The following SAMD12 variants were observed in gnomAD, a reference collection of about 807,000 sequenced individuals.
SAMD12 encodes sterile alpha motif domain-containing protein 12.
SAMD12 carries 9 observed loss-of-function variants against 15.0 expected under a neutral mutation model. The ratio of observed to expected loss-of-function variants is 0.60; its 90% CI spans 0.36 to 1.05. The LOEUF (loss-of-function observed/expected upper bound fraction) is 1.05. Ranked by LOEUF, SAMD12 falls within the 50% of genes least tolerant of loss-of-function variation. SAMD12 has a pLI of 0.01. For missense variants in SAMD12, 230 were observed against 234.2 expected (o/e 0.98, Z 0.12); for synonymous variants, 86 against 90.1 (o/e 0.96, Z 0.25).
chr8:118,417,934 T>C (rs1221443320), intron 3 of SAMD12, among the ~76,000 whole-genome samples: 1 of 152,232 alleles, frequency 6.6e-6, no homozygotes. Context: ...CTCCATTGTT[T>C]TGGACATGAG....
intron 4 of SAMD12, among the ~76,000 whole-genome samples, chr8:118,318,318 A>G (rs1390635149): frequency 0.11 from 1,235 of 11,670 alleles, 18 homozygotes; most frequent in South Asian, 0.24. Flanking sequence ...GTGTATATAT[A>G]TATATATATA....
chr8:118,569,706 G>A (rs1826953605), intron 2 of SAMD12, among the ~76,000 whole-genome samples: 1 of 152,146 alleles, frequency 6.6e-6, no homozygotes, highest in African/African-American at 2.4e-5. Flanking sequence ...CAGTGAAAAG[G>A]TGGTCTCTGC....
chr8:118,200,042 T>A (rs925880980), intron 4 of SAMD12, among the ~76,000 whole-genome samples: 2 of 152,152 alleles, frequency 1.3e-5, no homozygotes, highest in Admixed American at 1.3e-4. Context: ...ATAAGTCTCA[T>A]GAGATCTGAT....
intron 2 of SAMD12, among the ~76,000 whole-genome samples, chr8:118,538,839 C>T (rs1332327817): frequency 6.6e-6 from 1 of 152,226 alleles, no homozygotes; most frequent in Non-Finnish European, 1.5e-5. Context: ...CCATCCTGCT[C>T]TGCCTCCCCT....
At chr8:118,416,635 T>C (rs943360127) in intron 3 of SAMD12, among the ~76,000 whole-genome samples, 1 of 152,196 alleles carries the variant, frequency 6.6e-6, no homozygotes, top group African/African-American at 2.4e-5. Context: ...TTGGGCTTGA[T>C]TAGCCTGACC....
the SAMD12 span, among the ~76,000 whole-genome samples, chr8:118,140,648 G>A: frequency 3.3e-5 from 5 of 152,150 alleles, no homozygotes; most frequent in African/African-American, 1.2e-4. Flanking sequence ...TATTGAGGTG[G>A]AGGGCATCGT....
At chr8:118,439,579 T>TC (rs1822671022) in intron 3 of SAMD12, among the ~76,000 whole-genome samples, 1 of 151,914 alleles carries the variant, frequency 6.6e-6, no homozygotes, top group Non-Finnish European at 1.5e-5. Flanking sequence ...TTCTCTAGGA[T>TC]CCCCCAACCC....
chr8:118,185,806 C>T (rs1819233791), downstream of SAMD12, among the ~76,000 whole-genome samples: 1 of 152,148 alleles, frequency 6.6e-6, no homozygotes, highest in African/African-American at 2.4e-5. Flanking sequence ...CATGTAGTAG[C>T]TGTTTTGTAA....
At chr8:118,621,649 G>A (rs1828409881) in intron 1 of SAMD12, 155 bp downstream of exon 1, 1 of 783,386 alleles carries the variant, frequency 1.3e-6, no homozygotes, top group East Asian at 2.5e-5. Context: ...TGGCCTTGGC[G>A]GCGCAGGTGA....
At chr8:118,248,707 G>A (rs1211319377) in intron 4 of SAMD12, among the ~76,000 whole-genome samples, 2 of 151,874 alleles carry the variant, frequency 1.3e-5, no homozygotes, top group Non-Finnish European at 2.9e-5. Flanking sequence ...ATTAAAATGC[G>A]ATCAGCACTA....
At chr8:118,406,761 A>G (rs1325406995) in intron 3 of SAMD12, among the ~76,000 whole-genome samples, 2 of 152,128 alleles carry the variant, frequency 1.3e-5, no homozygotes, top group Non-Finnish European at 1.5e-5. Flanking sequence ...GGTACCTCAT[A>G]TAAGTGAAAT....
intron 4 of SAMD12, among the ~76,000 whole-genome samples, chr8:118,276,180 A>C (rs376541079): frequency 3.9e-5 from 6 of 152,170 alleles, no homozygotes; most frequent in Non-Finnish European, 1.5e-5. Context: ...TCTTCCTTGC[A>C]TTGTTCTAGA....
At chr8:118,543,631 C>CTTTTTTTTTTTTTTTTTTTTTTT (rs397978436) in intron 2 of SAMD12, among the ~76,000 whole-genome samples, 1 of 116,634 alleles carries the variant, frequency 8.6e-6, no homozygotes, top group African/African-American at 3.6e-5. Flanking sequence ...TTCTTTCTTT[C>CTTTTTTTTTTTTTTTTTTTTTTT]TTTTTTTTTT....
At chr8:118,162,159 CAAAA>C in the SAMD12 span, among the ~76,000 whole-genome samples, 10 of 140,204 alleles carry the variant, frequency 7.1e-5, no homozygotes, top group Admixed American at 2.2e-4. Flanking sequence ...GACTCTGTCT[CAAAA>C]AAAAAAAAAG....
chr8:118,562,420 G>C (rs760119144), intron 2 of SAMD12, among the ~76,000 whole-genome samples: 2 of 151,990 alleles, frequency 1.3e-5, no homozygotes, highest in Non-Finnish European at 2.9e-5. Context: ...AAAAGTAAAA[G>C]AGGTTATTAA....
the SAMD12 span, among the ~76,000 whole-genome samples, chr8:118,183,086 T>A: frequency 5.9e-5 from 9 of 152,230 alleles, no homozygotes; most frequent in Admixed American, 2.0e-4. Context: ...ACCTACATCC[T>A]TTCCTGGGCA....
At chr8:118,202,171 ATAAC>A (rs1401483983) in intron 4 of SAMD12, among the ~76,000 whole-genome samples, 4 of 152,130 alleles carry the variant, frequency 2.6e-5, no homozygotes, top group African/African-American at 9.7e-5. Context: ...TGTTTAGTAA[ATAAC>A]TAAGTGATAG....
At chr8:118,384,233 A>G (rs1819827917) in intron 3 of SAMD12, among the ~76,000 whole-genome samples, 1 of 152,230 alleles carries the variant, frequency 6.6e-6, no homozygotes, top group South Asian at 2.1e-4. Flanking sequence ...AGACAGGGTC[A>G]GATCACACAG....
chr8:118,272,544 G>A lies in SAMD12; in HGVS notation c.434-74812C>T, dbSNP rs145715364. 4.4e-3 allele frequency among the ~76,000 whole-genome samples: 664 copies of A among 152,326 alleles called. 1 individual carries two copies. Among genetic ancestry groups the A allele is most frequent in the African/African-American group, 0.015 (627 of 41,574 alleles). ...TGCAGCTGGCTTGAATTTATCCCCA[G>A]AAAATGGGGTTTTCTTTTCTGTTGC... On this transcript the variant is annotated intron_variant, in intron 4 of 4. Transcript: ENST00000409003.
Sources: allele counts gnomAD v4.1 joint callset (sites outside exome capture counted in the v4.1 genomes callset), GRCh38; gene constraint gnomAD v4.1.1; transcripts MANE v1.5; gene names NCBI Gene and HGNC (gene_info 2026-07-23, HGNC 2026-07-21).